GABBR2: variants seen among roughly 807,000 people sequenced by gnomAD.
GABBR2 encodes the protein G-protein coupled receptor 51.
In GABBR2, 23 loss-of-function variants were observed where a neutral mutation model predicts 105.6. The observed-to-expected ratio is 0.22, with a 90% CI of 0.16 to 0.31. The LOEUF (loss-of-function observed/expected upper bound fraction) is 0.31. Ranked by LOEUF, GABBR2 falls within the 10% of genes least tolerant of loss-of-function variation. GABBR2 has a pLI of 1.00. For missense variants in GABBR2, 734 were observed against 1,245.5 expected, an observed-to-expected ratio of 0.59 and a Z score of 6.18; for synonymous variants, 478 against 499.7, an observed-to-expected ratio of 0.96 and a Z score of 0.58.
At chr9:98,577,884 G>A (rs56012010) in intron 2 of GABBR2, 51 bp downstream of exon 2, 1 of 1,552,452 alleles carries the variant, frequency 6.4e-7, no homozygotes, top group East Asian at 2.3e-5. Context: ...GCAAAAGACT[G>A]AGGGCCAACC....
chr9:98,433,957 C>A (rs961800029), intron 7 of GABBR2, among the ~76,000 whole-genome samples: 1 of 151,910 alleles, frequency 6.6e-6, no homozygotes, highest in African/African-American at 2.4e-5. Context: ...ATCCTTCAAT[C>A]CAATGAAGTA....
chr9:98,481,806 T>C (rs1826927624), intron 4 of GABBR2, among the ~76,000 whole-genome samples: 1 of 152,216 alleles, frequency 6.6e-6, no homozygotes, highest in African/African-American at 2.4e-5. Context: ...TTTTGAAAGC[T>C]CTATACATGG....
chr9:98,442,767 G>T (rs542601225), intron 7 of GABBR2, among the ~76,000 whole-genome samples: 1 of 152,194 alleles, frequency 6.6e-6, no homozygotes, highest in South Asian at 2.1e-4. Flanking sequence ...AGGAGGATCA[G>T]TCACCTTCTG....
intron 13 of GABBR2, among the ~76,000 whole-genome samples, chr9:98,319,465 T>C (rs541079987): frequency 3.0e-4 from 45 of 151,572 alleles, no homozygotes; most frequent in Non-Finnish European, 4.7e-4. Flanking sequence ...TTTTTTTTTT[T>C]CCAGAATCAG....
chr9:98,467,255 G>A (rs1436278248), intron 6 of GABBR2, among the ~76,000 whole-genome samples: 3 of 152,190 alleles, frequency 2.0e-5, no homozygotes, highest in Non-Finnish European at 4.4e-5. Flanking sequence ...GGAGAGGTAT[G>A]GATGTTGGTA....
intron 1 of GABBR2, among the ~76,000 whole-genome samples, chr9:98,585,557 G>T (rs1024830814): frequency 6.6e-6 from 1 of 150,838 alleles, no homozygotes; most frequent in African/African-American, 2.4e-5. Context: ...TGAGTTAATG[G>T]GTGCAGCACA....
At chr9:98,470,548 G>A (rs1350336231) in intron 6 of GABBR2, among the ~76,000 whole-genome samples, 1 of 152,148 alleles carries the variant, frequency 6.6e-6, no homozygotes, top group Non-Finnish European at 1.5e-5. Context: ...AATTATGGGA[G>A]TACAATTCAA....
intron 6 of GABBR2, among the ~76,000 whole-genome samples, chr9:98,463,056 T>G (rs1826453234): frequency 6.6e-6 from 1 of 152,052 alleles, no homozygotes; most frequent in African/African-American, 2.4e-5. Context: ...GCCCGGCTAA[T>G]TTTTGTATTT....
At chr9:98,614,374 A>C (rs142852076) in intron 1 of GABBR2, among the ~76,000 whole-genome samples, 15 of 152,224 alleles carry the variant, frequency 9.9e-5, no homozygotes, top group Non-Finnish European at 1.8e-4. Flanking sequence ...TAATACAAAA[A>C]TTAGCTGGGC....
At chr9:98,636,455 C>T (rs542484885) in intron 1 of GABBR2, among the ~76,000 whole-genome samples, 8 of 149,070 alleles carry the variant, frequency 5.4e-5, no homozygotes, top group Non-Finnish European at 3.0e-5. Flanking sequence ...AGGATTGACA[C>T]AGACATTGCA....
chr9:98,303,799 GAGAC>G (rs1031585072), intron 15 of GABBR2, among the ~76,000 whole-genome samples: 2 of 152,268 alleles, frequency 1.3e-5, no homozygotes, highest in African/African-American at 2.4e-5. Flanking sequence ...TGACAACAAA[GAGAC>G]AGAGGAGAGC....
chr9:98,487,704 G>A (rs192532560), intron 4 of GABBR2, among the ~76,000 whole-genome samples: 1 of 152,106 alleles, frequency 6.6e-6, no homozygotes, highest in East Asian at 1.9e-4. Context: ...CTTGAGCCCA[G>A]GAAGTTGAGG....
At chr9:98,607,220 A>C in intron 1 of GABBR2, 3 of 1,484,726 alleles carry the variant, frequency 2.0e-6, no homozygotes, top group Non-Finnish European at 2.8e-6. Flanking sequence ...GCAGCCTTAC[A>C]ATCGACTACA....
chr9:98,639,509 A>G (rs1262355061), intron 1 of GABBR2, among the ~76,000 whole-genome samples: 1 of 152,042 alleles, frequency 6.6e-6, no homozygotes, highest in Non-Finnish European at 1.5e-5. Context: ...TTGCAGCGAC[A>G]CACTTTTCTT....
At chr9:98,582,664 G>GA (rs1412812633) in intron 1 of GABBR2, among the ~76,000 whole-genome samples, 1 of 152,200 alleles carries the variant, frequency 6.6e-6, no homozygotes, top group Non-Finnish European at 1.5e-5. Flanking sequence ...AATTCCATTT[G>GA]AAAAATGATC....
rs1389203709 is a variant in GABBR2, at chr9:98,299,842, A to AC, written c.2413-490_2413-489insG. Among the ~76,000 whole-genome samples the AC allele has an allele frequency of 2.6e-5, 4 of 152,294 alleles. No homozygotes were observed. The East Asian group carries it at 7.7e-4, about 29-fold the overall frequency. ...GAAAGTTTAGCCCAGTGTCTGAAACATAATAAGGGCAACTTGCTACTATAA... is the reference window on the plus strand; with the variant it reads ...GAAAGTTTAGCCCAGTGTCTGAAACACTAATAAGGGCAACTTGCTACTATAA... On this transcript the variant is annotated intron_variant, in intron 16 of 18. Coordinates refer to ENST00000259455, the MANE Select transcript of GABBR2 (RefSeq NM_005458.8).
chr9:98,472,587 T>C (rs923907039), intron 6 of GABBR2, among the ~76,000 whole-genome samples: 1 of 152,156 alleles, frequency 6.6e-6, no homozygotes, highest in African/African-American at 2.4e-5. Flanking sequence ...AGAAGGGACA[T>C]CCTAAGATCA....
chr9:98,492,838 C>T (rs1375409417), intron 4 of GABBR2, among the ~76,000 whole-genome samples: 1 of 152,194 alleles, frequency 6.6e-6, no homozygotes, highest in East Asian at 1.9e-4. Context: ...TTCAATGTGA[C>T]TTATCACTGC....
At chr9:98,680,550 C>T (rs1830531993) in intron 1 of GABBR2, among the ~76,000 whole-genome samples, 1 of 152,032 alleles carries the variant, frequency 6.6e-6, no homozygotes, top group South Asian at 2.1e-4. Context: ...ACCTCATGAT[C>T]CGCCCACCTC....
Sources: allele counts gnomAD v4.1 joint callset (sites outside exome capture counted in the v4.1 genomes callset), GRCh38; gene constraint gnomAD v4.1.1; transcripts MANE v1.5; gene names NCBI Gene and HGNC (gene_info 2026-07-23, HGNC 2026-07-21).